EIF4G3: variants seen among roughly 807,000 people sequenced by gnomAD.
EIF4G3 encodes eukaryotic translation initiation factor 4 gamma 3, also known as eIF-4-gamma 3.
Under a neutral mutation model 186.4 loss-of-function variants are expected in EIF4G3, and 34 were observed. That is an observed-to-expected ratio of 0.18 (90% CI 0.14 to 0.24). The LOEUF is 0.24. EIF4G3 is among the 10% of genes least tolerant of loss of function. The pLI is 1.00. For missense variants in EIF4G3, 1,536 were observed against 1,948.5 expected (o/e 0.79, Z 3.99); for synonymous variants, 673 against 679.5 (o/e 0.99, Z 0.15).
intron 4 of EIF4G3, among the ~76,000 whole-genome samples, chr1:21,021,761 G>A (rs187270947): frequency 1.3e-5 from 2 of 152,114 alleles, no homozygotes; most frequent in Admixed American, 1.3e-4. Flanking sequence ...TCACCATGTT[G>A]GGCAGGCTGG....
In EIF4G3 at chr1:20,917,691, T is replaced by C. The variant is rs540852393; in HGVS notation, c.1664-12720A>G. ...AAATTTTGGGTGATAAATACGATTA[T>C]AGTTATCGTTTATATAGAGCATGTT... On this transcript the variant is annotated intron_variant, in intron 14 of 36. Transcript: ENST00000602326. 9.2e-5 allele frequency among the ~76,000 whole-genome samples: 14 copies of C among 152,292 alleles called. 1 individual carries two copies. The South Asian group carries it at 2.7e-3, about 29-fold the overall frequency.
rs1039654279 is a variant in EIF4G3 at position 21,063,869 on chromosome 1, C to T, written c.-195-12875G>A. On this transcript the variant is annotated intron_variant, in intron 3 of 36. Coordinates refer to ENST00000602326, the MANE Select transcript of EIF4G3 (RefSeq NM_001391906.1). ...GGATTACAGGCGCATGCCATCACAC[C>T]CAGCTAATTTTTTTTTTTTTTTTTG... 3.9e-4 allele frequency among the ~76,000 whole-genome samples: 57 copies of T among 145,092 alleles called. 1 individual carries two copies. Among genetic ancestry groups the T allele is most frequent in the African/African-American group, 1.4e-3 (57 of 39,316 alleles).
intron 2 of EIF4G3, among the ~76,000 whole-genome samples, chr1:21,158,080 T>A (rs2097694557): frequency 6.6e-6 from 1 of 152,028 alleles, no homozygotes; most frequent in African/African-American, 2.4e-5. Flanking sequence ...CCTTATGAAC[T>A]GACCAAAGCC....
intron 11 of EIF4G3, among the ~76,000 whole-genome samples, chr1:20,972,126 C>T (rs1036109148): frequency 6.6e-6 from 1 of 152,198 alleles, no homozygotes; most frequent in African/African-American, 2.4e-5. Context: ...TATTACTACA[C>T]TCCAATTCTC....
chr1:21,092,849 A>G (rs1572424665), intron 2 of EIF4G3, among the ~76,000 whole-genome samples: 1 of 152,330 alleles, frequency 6.6e-6, no homozygotes, highest in East Asian at 1.9e-4. Context: ...AGAAATGGGG[A>G]AAAGATTCCC....
intron 4 of EIF4G3, among the ~76,000 whole-genome samples, chr1:21,026,903 C>T (rs1415265226): frequency 6.8e-6 from 1 of 146,288 alleles, no homozygotes; most frequent in Non-Finnish European, 1.5e-5. Flanking sequence ...CACCACTGCA[C>T]TCCAGCCTGC....
chr1:20,968,995 A>G (rs2075291470), intron 12 of EIF4G3, among the ~76,000 whole-genome samples: 1 of 152,222 alleles, frequency 6.6e-6, no homozygotes, highest in Non-Finnish European at 1.5e-5. Flanking sequence ...GTAGTTCTAA[A>G]AGGTAAGAAG....
At chr1:21,052,991 C>G (rs2154577095) in intron 3 of EIF4G3, among the ~76,000 whole-genome samples, 1 of 152,230 alleles carries the variant, frequency 6.6e-6, no homozygotes, top group Middle Eastern at 3.4e-3. Context: ...GCAGCCTCTG[C>G]CCGGCCGCCA....
At chr1:20,863,709 G>A (rs2076923740) in intron 22 of EIF4G3, among the ~76,000 whole-genome samples, 2 of 151,346 alleles carry the variant, frequency 1.3e-5, no homozygotes, top group Non-Finnish European at 2.9e-5. Context: ...CTCCCAAAGT[G>A]CTGGGATTAC....
At chr1:21,079,371 C>T (rs2095688957) in intron 3 of EIF4G3, among the ~76,000 whole-genome samples, 1 of 151,950 alleles carries the variant, frequency 6.6e-6, no homozygotes, top group African/African-American at 2.4e-5. Context: ...TATAAAATGG[C>T]TAAATGTATC....
chr1:20,840,580 G>A (rs1014350875), intron 30 of EIF4G3, among the ~76,000 whole-genome samples: 1 of 152,174 alleles, frequency 6.6e-6, no homozygotes, highest in Non-Finnish European at 1.5e-5. Context: ...TTTCCCTGAG[G>A]CTAAGGGGTC....
chr1:20,919,103 T>A (rs1429750627), intron 14 of EIF4G3, among the ~76,000 whole-genome samples: 1 of 152,248 alleles, frequency 6.6e-6, no homozygotes, highest in African/African-American at 2.4e-5. Context: ...CAATCTTTTA[T>A]TAGATGCTTT....
At chr1:20,932,562 T>C (rs1291421894) in intron 14 of EIF4G3, among the ~76,000 whole-genome samples, 1 of 152,140 alleles carries the variant, frequency 6.6e-6, no homozygotes, top group Non-Finnish European at 1.5e-5. Context: ...ACTGCAGGGT[T>C]ATTAATACCC....
At chr1:20,855,541 G>T (rs1263378003) in intron 25 of EIF4G3, among the ~76,000 whole-genome samples, 1 of 152,180 alleles carries the variant, frequency 6.6e-6, no homozygotes, top group African/African-American at 2.4e-5. Flanking sequence ...AGAATAAGAA[G>T]AAAGAGATTG....
At chr1:20,878,325 A>G (rs1007286542) in intron 20 of EIF4G3, among the ~76,000 whole-genome samples, 1 of 152,100 alleles carries the variant, frequency 6.6e-6, no homozygotes, top group East Asian at 1.9e-4. Context: ...TTGCTTTATA[A>G]AAGTTTTGTG....
chr1:20,882,203 ACACACACACAC>A (rs1558058990), intron 19 of EIF4G3, among the ~76,000 whole-genome samples: 19 of 151,626 alleles, frequency 1.3e-4, no homozygotes, highest in South Asian at 2.1e-4. Context: ...ACACACACAC[ACACACACACAC>A]AAAATCATTT....
chr1:20,877,669 T>C (rs2081255226), intron 20 of EIF4G3, among the ~76,000 whole-genome samples: 1 of 152,184 alleles, frequency 6.6e-6, no homozygotes, highest in Non-Finnish European at 1.5e-5. Context: ...GGCCAAACAC[T>C]GGGCTAGAAA....
intron 4 of EIF4G3, among the ~76,000 whole-genome samples, chr1:21,028,141 G>T (rs984793326): frequency 6.6e-6 from 1 of 152,176 alleles, no homozygotes; most frequent in Non-Finnish European, 1.5e-5. Context: ...AGGGGTCAAA[G>T]GGAAGTTATT....
chr1:20,830,987 T>A (rs951717508), intron 30 of EIF4G3, among the ~76,000 whole-genome samples: 1 of 152,234 alleles, frequency 6.6e-6, no homozygotes. Flanking sequence ...ATATTAATGC[T>A]TTGCACCACA....
Sources: allele counts gnomAD v4.1 joint callset (sites outside exome capture counted in the v4.1 genomes callset), GRCh38; gene constraint gnomAD v4.1.1; transcripts MANE v1.5; gene names NCBI Gene and HGNC (gene_info 2026-07-23, HGNC 2026-07-21).